Variants in ECD observed in about 807,000 individuals in gnomAD.
ECD encodes the protein ecdysoneless cell cycle regulator.
ECD carries 59 observed loss-of-function variants against 77.2 expected under a neutral mutation model. The observed-to-expected ratio is 0.76, with a 90% CI of 0.62 to 0.95. ECD has a LOEUF of 0.95. Ranked by LOEUF, ECD falls within the 40% of genes least tolerant of loss-of-function variation. The pLI is 0.00. For missense variants in ECD, 704 were observed against 763.4 expected (o/e 0.92, Z 0.92); for synonymous variants, 233 against 267.4 (o/e 0.87, Z 1.26).
At chr10:73,147,969 T>A (rs545348306) in intron 8 of ECD, among the ~76,000 whole-genome samples, 2 of 152,320 alleles carry the variant, frequency 1.3e-5, no homozygotes, top group East Asian at 3.9e-4. Flanking sequence ...AAAATCCACA[T>A]CTTTGCTAAT....
chr10:73,156,283 G>A lies in ECD; in HGVS notation c.582C>T (p.Arg194=). The change falls in exon 5 of 14, where the codon CGC becomes CGT. Residue 194 remains arginine, a synonymous_variant. Coordinates refer to ENST00000372979, the MANE Select transcript of ECD (RefSeq NM_007265.3). ...SESIRAAVNR[R]IRGYPEKIQA... is the part of the protein sequence containing the mutation. Reference sequence around the variant, plus strand: ...AGTGATATTTTTCTTACCCTCTGATGCGCCTATTCACAGCAGCTCGTATAG... The same window carrying A: ...AGTGATATTTTTCTTACCCTCTGATACGCCTATTCACAGCAGCTCGTATAG... 1 of 1,584,982 alleles carries A rather than the reference G, an allele frequency of 6.3e-7. No homozygotes were observed. The highest frequency in any genetic ancestry group is 2.2e-5 in the East Asian group (1 of 44,600).
At chr10:73,149,641 C>T (rs1843176909) in intron 7 of ECD, among the ~76,000 whole-genome samples, 1 of 152,150 alleles carries the variant, frequency 6.6e-6, no homozygotes, top group Non-Finnish European at 1.5e-5. Context: ...TTAAGGTAGG[C>T]TAGGCTAAGC....
intron 5 of ECD, among the ~76,000 whole-genome samples, chr10:73,156,071 T>C (rs1843291530): frequency 6.6e-6 from 1 of 152,206 alleles, no homozygotes; most frequent in South Asian, 2.1e-4. Context: ...AATCTGTAAG[T>C]TTAATTTACT....
chr10:73,140,103 A>G (rs1313310068), intron 9 of ECD, among the ~76,000 whole-genome samples: 1 of 151,318 alleles, frequency 6.6e-6, no homozygotes, highest in East Asian at 2.0e-4. Context: ...TCCTGCCTCA[A>G]CCTCCCAAGT....
In ECD at chr10:73,154,510, C is replaced by T. The variant is rs1843270835; in HGVS notation, c.591-62G>A. 4.2e-6 allele frequency: 6 copies of T among 1,411,930 alleles called. No individual in the cohort carries two copies. The African/African-American group carries it at 8.6e-5, about 20-fold the overall frequency. 87.5% of individuals were successfully genotyped at this position (1,411,930 alleles called of 1,614,324 possible). The stretch of plus-strand genomic sequence containing the variant: ...ATATAAATACCTATAATTCTTATAC[C>T]ATTCACATTCTTTTTGACATCTCTT... On this transcript the variant is annotated intron_variant, in intron 5 of 13. Transcript: ENST00000372979.
intron 2 of ECD, among the ~76,000 whole-genome samples, chr10:73,161,255 AT>A (rs1224435793): frequency 2.6e-5 from 4 of 152,114 alleles, no homozygotes; most frequent in African/African-American, 9.6e-5. Flanking sequence ...ACCAGAAAAA[AT>A]AATAGAAAAA....
intron 7 of ECD, 41 bp downstream of exon 7, chr10:73,152,252 T>A (rs1178847634): frequency 1.2e-6 from 2 of 1,600,932 alleles, no homozygotes; most frequent in South Asian, 2.2e-5. Flanking sequence ...AGAGTCCATT[T>A]ACATAAAGAA....
intron 9 of ECD, among the ~76,000 whole-genome samples, chr10:73,140,798 C>T (rs1843046761): frequency 6.6e-6 from 1 of 151,658 alleles, no homozygotes; most frequent in Non-Finnish European, 1.5e-5. Flanking sequence ...CCACTGATCT[C>T]GTATAATTCT....
Position 73,156,407 on chromosome 10 carries a change from T to C in ECD, c.458A>G (p.Lys153Arg). 2 of 1,613,268 alleles carry C rather than the reference T, an allele frequency of 1.2e-6. No individual in the cohort carries two copies. Among genetic ancestry groups the C allele is most frequent in the Non-Finnish European group, 1.7e-6 (2 of 1,179,784 alleles). ...GELCIIPAPR[K>R]SGAESWLPTT... ...GGGTAACCAAGATTCTGCTCCAGAT[T>C]TTCTTGGTGCAGGGATAATACACAA... Residue 153 changes from lysine (K) to arginine (R), a missense_variant, in exon 5 of 14, where the codon AAA (lysine) becomes AGA (arginine). Coordinates refer to ENST00000372979, the MANE Select transcript of ECD (RefSeq NM_007265.3).
In ECD at chr10:73,134,425, T is replaced by G; in HGVS notation, c.*158A>C. On this transcript the variant is annotated 3_prime_UTR_variant, in exon 14 of 14. Coordinates refer to ENST00000372979, the MANE Select transcript of ECD (RefSeq NM_007265.3). ...AACCCACAGCTGAGATCACAAAGAC[T>G]TGTGCCAAGAGGGCCACATTTGGGG... 1.4e-6 allele frequency: 1 copy of G among 692,394 alleles called. No homozygotes were observed. The highest frequency in any genetic ancestry group is 2.0e-5 in the South Asian group (1 of 50,092). The allele number at this position is 692,394 out of a possible 1,614,324, so 42.9% of individuals were successfully genotyped here. A position where few individuals can be genotyped will look rare whatever the true frequency, so the allele number is the denominator to read the frequency against.
rs1418942224 is a variant in ECD, at chr10:73,139,487, A to C, written c.1243T>G (p.Trp415Gly). 1.2e-6 allele frequency: 2 copies of C among 1,612,536 alleles called. No homozygotes were observed. The highest frequency in any genetic ancestry group is 3.4e-5 in the Admixed American group (2 of 59,632). ...AGCTGATCTGGTGAGAGATCTAACC[A>C]CTGGTCATCTGAAAAAGAAGAAAGC... Reference protein sequence around the residue: ...ANLPPEDDDQWLDLSPDQLDQ... With the variant: ...ANLPPEDDDQGLDLSPDQLDQ... The change falls in exon 11 of 14, where the codon TGG becomes GGG. Residue 415 changes from tryptophan (W) to glycine (G), a missense_variant. By Grantham distance (184) the Trp-to-Gly change is radical (BLOSUM62 -2). This residue lies in a region of ECD where 559 missense variants were observed against 583.7 expected (regional missense o/e 0.96). Transcript: ENST00000372979.
chr10:73,160,856 G>A lies in ECD; in HGVS notation c.206-305C>T, dbSNP rs143436043. Among the ~76,000 whole-genome samples, 603 of 152,282 alleles carry A rather than the reference G, an allele frequency of 4.0e-3. 9 individuals are homozygous for A. The highest frequency in any genetic ancestry group is 0.014 in the African/African-American group (578 of 41,546). ...GGAATGACAAGAGGTGAGCTTTCCA[G>A]AAAAATGGAAAAGTATGTGCAAAGG... On this transcript the variant is annotated intron_variant, in intron 2 of 13. Coordinates refer to ENST00000372979, the MANE Select transcript of ECD (RefSeq NM_007265.3).
At chr10:73,160,283 CAAA>C (rs11338418) in intron 3 of ECD, 148 bp downstream of exon 3, 861 of 292,778 alleles carry the variant, frequency 2.9e-3, no homozygotes, top group Non-Finnish European at 3.6e-3. Flanking sequence ...AAGACTGTCT[CAAA>C]AAAAAAAAAA....
In ECD at chr10:73,148,275, C is replaced by A; in HGVS notation, c.1041+1G>T. The A allele has an allele frequency of 6.2e-7, 1 of 1,613,488 alleles. No individual in the cohort carries two copies. The highest frequency in any genetic ancestry group is 2.2e-5 in the East Asian group (1 of 44,850). ...AAAAGCAAATATATTGCAAGTCCTA[C>A]CTTAAAGTAATCATTCTTTTTCAGA... On this transcript the variant is annotated splice_donor_variant, in intron 8 of 13. Coordinates refer to ENST00000372979, the MANE Select transcript of ECD (RefSeq NM_007265.3). LOFTEE classifies it high-confidence loss of function.
intron 2 of ECD, 150 bp from the exon 3 acceptor site, chr10:73,160,701 C>T: frequency 1.9e-6 from 1 of 534,324 alleles, no homozygotes; most frequent in Non-Finnish European, 3.3e-6. Flanking sequence ...GAAGCCTACT[C>T]CTGAGGAGCT....
At chr10:73,168,027 A>T, upstream of ECD, 1 of 360,676 alleles carries the variant, frequency 2.8e-6, no homozygotes, top group South Asian at 4.3e-5. Context: ...TCCTGAGAGA[A>T]AGTCTGAAAC....
rs774821198 is a variant in ECD at position 73,138,701 on chromosome 10, G to C, written c.1421+608C>G. On this transcript the variant is annotated intron_variant, in intron 11 of 13. Transcript: ENST00000372979. Reference sequence around the variant, plus strand: ...CCTGCCTCAGCCTTTCAAGTAGCTGGGATTATAGGCGTGCGCCACCATACC... The same window carrying C: ...CCTGCCTCAGCCTTTCAAGTAGCTGCGATTATAGGCGTGCGCCACCATACC... Among the ~76,000 whole-genome samples the C allele has an allele frequency of 8.2e-4, 125 of 152,110 alleles. 2 individuals are homozygous for C. Among genetic ancestry groups the C allele is most frequent in the Non-Finnish European group, 1.4e-3 (94 of 67,982 alleles).
chr10:73,164,387 T>G (rs546774155), intron 1 of ECD, among the ~76,000 whole-genome samples: 1 of 151,516 alleles, frequency 6.6e-6, no homozygotes, highest in Admixed American at 6.6e-5. Flanking sequence ...AATAAAAAAA[T>G]AAAATTTAGT....
In ECD at chr10:73,159,315, A is replaced by ACTCC. The variant is rs1843343932; in HGVS notation, c.323+1118_323+1119insGGAG. ...TAATGTTACCTACTTTGCTTCCTAT[A>ACTCC]CAATTGTGTTCACTGACTTCTCTTT... On this transcript the variant is annotated intron_variant, in intron 3 of 13. Transcript: ENST00000372979. Among the ~76,000 whole-genome samples, 12 of 152,362 alleles carry ACTCC rather than the reference A, an allele frequency of 7.9e-5. No individual in the cohort carries two copies. The South Asian group carries it at 2.5e-3, about 32-fold the overall frequency.
Sources: gnomAD v4.1 joint callset for allele counts (sites outside exome capture counted in the v4.1 genomes callset) on GRCh38, gnomAD v4.1.1 for gene constraint, gnomAD v4.1.1 regional missense constraint, MANE v1.5 for transcripts, NCBI Gene and HGNC (gene_info 2026-07-23, HGNC 2026-07-21) for gene names.